RANBP2: variants seen among roughly 807,000 people sequenced by gnomAD.
RANBP2 encodes the protein E3 SUMO-protein ligase RanBP2.
Under a neutral mutation model 303.6 loss-of-function variants are expected in RANBP2, and 57 were observed. The observed-to-expected ratio is 0.19, with a 90% CI of 0.15 to 0.23. The LOEUF (loss-of-function observed/expected upper bound fraction) is 0.23. Among genes scored for constraint, RANBP2 ranks in the 10% least tolerant of loss-of-function variants. The pLI, the probability that RANBP2 is intolerant of heterozygous loss-of-function variation, is 1.00. For missense variants in RANBP2, 3,138 were observed against 3,780.8 expected (o/e 0.83, Z 4.46); for synonymous variants, 1,167 against 1,301.5 (o/e 0.90, Z 2.23).
the RANBP2 span, among the ~76,000 whole-genome samples, chr2:109,654,964 G>A: frequency 2.6e-5 from 4 of 151,512 alleles, no homozygotes; most frequent in East Asian, 1.9e-4. Flanking sequence ...GCGCAGTGGC[G>A]TGATCTCGGC....
At chr2:108,732,341 G>A (rs760164273) in intron 4 of RANBP2, among the ~76,000 whole-genome samples, 2 of 152,094 alleles carry the variant, frequency 1.3e-5, no homozygotes, top group Non-Finnish European at 2.9e-5. Context: ...AAATGCTCCA[G>A]AATCTGAAAT....
At chr2:108,791,928 T>TA in the RANBP2 span, 1 of 960,834 alleles carries the variant, frequency 1.0e-6, no homozygotes, top group East Asian at 2.9e-5. Context: ...TGAACTTCTG[T>TA]AAGCTAGGAG....
the RANBP2 span, among the ~76,000 whole-genome samples, chr2:109,538,259 C>T: frequency 6.6e-6 from 1 of 152,274 alleles, no homozygotes; most frequent in African/African-American, 2.4e-5. Flanking sequence ...AAAAGGCTCT[C>T]GGCTTTCAAG....
chr2:108,854,026 ATATTATATATAATATATAATAAATT>A, the RANBP2 span, among the ~76,000 whole-genome samples: 1 of 108,176 alleles, frequency 9.2e-6, no homozygotes, highest in African/African-American at 3.7e-5. Flanking sequence ...TAATAAATTT[ATATTATATATAATATATAATAAATT>A]TATATTATAT....
At chr2:109,432,110 T>C in the RANBP2 span, among the ~76,000 whole-genome samples, 485 of 152,272 alleles carry the variant, frequency 3.2e-3, 4 homozygotes, top group African/African-American at 0.011. Context: ...GCTCAGAGCA[T>C]CAGACTTTAG....
the RANBP2 span, among the ~76,000 whole-genome samples, chr2:109,232,851 A>AT: frequency 6.6e-6 from 1 of 152,292 alleles, no homozygotes. Flanking sequence ...TCGAGGTTCA[A>AT]TTTATACACA....
chr2:108,894,327 A>T, the RANBP2 span: 2 of 152,580 alleles, frequency 1.3e-5, no homozygotes, highest in African/African-American at 4.8e-5. Flanking sequence ...CATTTTAGGC[A>T]CTTTGTTTAT....
chr2:109,335,672 A>G, the RANBP2 span, among the ~76,000 whole-genome samples: 1 of 151,490 alleles, frequency 6.6e-6, no homozygotes, highest in Non-Finnish European at 1.5e-5. Flanking sequence ...TGGAACATAA[A>G]CTCCACCCGG....
the RANBP2 span, among the ~76,000 whole-genome samples, chr2:108,966,651 T>C: frequency 6.6e-6 from 1 of 152,214 alleles, no homozygotes; most frequent in Non-Finnish European, 1.5e-5. Context: ...GGAACACTAC[T>C]GTGTTTGGCT....
At chr2:109,044,525 AAAATAAAT>A in the RANBP2 span, among the ~76,000 whole-genome samples, 1 of 152,068 alleles carries the variant, frequency 6.6e-6, no homozygotes, top group Admixed American at 6.6e-5. Flanking sequence ...TCTGTCGCAA[AAAATAAAT>A]AAATAAATAA....
Position 108,768,126 on chromosome 2 carries a change from A to G in RANBP2, c.7587A>G (p.Lys2529=). 1 of 1,612,018 alleles carries G rather than the reference A, an allele frequency of 6.2e-7. No individual in the cohort carries two copies. The highest frequency in any genetic ancestry group is 1.1e-5 in the South Asian group (1 of 90,990). ...ESVKSIFSSE[K]SKPFAFGNSS... is the part of the protein sequence containing the mutation. Reference sequence around the variant, plus strand: ...TTAAAAGCATTTTTAGTAGTGAAAAATCAAAACCATTTGCATTCGGCAACA... The same window carrying G: ...TTAAAAGCATTTTTAGTAGTGAAAAGTCAAAACCATTTGCATTCGGCAACA... The change falls in exon 20 of 29, where the codon AAA becomes AAG. Residue 2529 remains lysine, a synonymous_variant. Coordinates refer to ENST00000283195, the MANE Select transcript of RANBP2 (RefSeq NM_006267.5).
At chr2:109,709,889 T>G in the RANBP2 span, among the ~76,000 whole-genome samples, 1 of 148,066 alleles carries the variant, frequency 6.8e-6, no homozygotes, top group Non-Finnish European at 1.5e-5. Context: ...AGAGTTTGAG[T>G]CCAGCCTGAC....
the RANBP2 span, among the ~76,000 whole-genome samples, chr2:109,181,206 T>C: frequency 1.3e-5 from 2 of 152,278 alleles, no homozygotes; most frequent in Admixed American, 6.5e-5. Context: ...TTGGGAATGA[T>C]CTTAGGTTTA....
At chr2:109,362,424 G>C in the RANBP2 span, among the ~76,000 whole-genome samples, 1 of 152,144 alleles carries the variant, frequency 6.6e-6, no homozygotes, top group South Asian at 2.1e-4. Flanking sequence ...TGGCCTGAGA[G>C]TAGACATTGT....
At chr2:109,684,884 A>T in the RANBP2 span, among the ~76,000 whole-genome samples, 1 of 148,042 alleles carries the variant, frequency 6.8e-6, no homozygotes, top group Admixed American at 6.8e-5. Context: ...TAATTAATTA[A>T]TTTTTTGAGA....
the RANBP2 span, among the ~76,000 whole-genome samples, chr2:109,209,456 A>G: frequency 6.6e-6 from 1 of 152,238 alleles, no homozygotes; most frequent in African/African-American, 2.4e-5. Context: ...ATGTGATGCC[A>G]TGGGTTGGGA....
At chr2:109,202,516 TGGTG>T in the RANBP2 span, among the ~76,000 whole-genome samples, 13 of 152,242 alleles carry the variant, frequency 8.5e-5, no homozygotes, top group African/African-American at 3.1e-4. Flanking sequence ...TCTGGGTAGC[TGGTG>T]GGTGGTCAGC....
chr2:109,467,891 C>CTG, the RANBP2 span, among the ~76,000 whole-genome samples: 2,295 of 152,292 alleles, frequency 0.015, 57 homozygotes, highest in African/African-American at 0.053. Flanking sequence ...CCTCAGATGC[C>CTG]TGTAGCCAGC....
the RANBP2 span, among the ~76,000 whole-genome samples, chr2:109,684,245 C>CTTTTTTTTTTTT: frequency 0.02 from 1,727 of 87,042 alleles, 198 homozygotes; most frequent in Non-Finnish European, 0.026. Flanking sequence ...CCCGGTCTTA[C>CTTTTTTTTTTTT]TTTTTTTTTT....
Sources: gnomAD v4.1 joint callset for allele counts (sites outside exome capture counted in the v4.1 genomes callset) on GRCh38, gnomAD v4.1.1 for gene constraint, MANE v1.5 for transcripts, NCBI Gene and HGNC (gene_info 2026-07-23, HGNC 2026-07-21) for gene names.